Variants in SLC25A21 observed in about 807,000 individuals in gnomAD.
SLC25A21 encodes mitochondrial 2-oxodicarboxylate carrier.
In SLC25A21, 47 loss-of-function variants were observed where a neutral mutation model predicts 43.8. The observed-to-expected ratio is 1.07, with a 90% CI of 0.85 to 1.37. The LOEUF (loss-of-function observed/expected upper bound fraction) is 1.37, where lower values mean the gene tolerates loss of function less well. SLC25A21 is among the 40% of genes most tolerant of loss of function. SLC25A21 has a pLI of 0.00. For synonymous variants in SLC25A21, 131 were observed against 121.3 expected (o/e 1.08, Z -0.52); for missense variants, 352 against 350.2 (o/e 1.00, Z -0.04).
intron 1 of SLC25A21, among the ~76,000 whole-genome samples, chr14:36,979,149 T>C (rs1727129058): frequency 6.6e-6 from 1 of 152,108 alleles, no homozygotes; most frequent in African/African-American, 2.4e-5. Context: ...CATGATGCTG[T>C]TCCTTGTCAA....
chr14:37,069,080 C>T (rs758842320), intron 1 of SLC25A21, among the ~76,000 whole-genome samples: 9 of 151,754 alleles, frequency 5.9e-5, no homozygotes, highest in Non-Finnish European at 1.3e-4. Context: ...TGGAGGCTGA[C>T]GCAGGAGAAT....
intron 5 of SLC25A21, among the ~76,000 whole-genome samples, chr14:36,727,679 C>A (rs1884656565): frequency 6.7e-6 from 1 of 148,676 alleles, no homozygotes. Flanking sequence ...CAGATTGAGA[C>A]TCTGTCTCAA....
intron 2 of SLC25A21, among the ~76,000 whole-genome samples, chr14:36,871,990 G>C (rs894701344): frequency 7.2e-5 from 11 of 152,216 alleles, no homozygotes; most frequent in Admixed American, 6.5e-4. Flanking sequence ...TGAGAGTGCA[G>C]GCAATTTTGG....
chr14:36,957,996 CAT>C (rs1255153608), intron 1 of SLC25A21, among the ~76,000 whole-genome samples: 1 of 152,174 alleles, frequency 6.6e-6, no homozygotes, highest in East Asian at 1.9e-4. Context: ...ACATATATAA[CAT>C]AGGACATGGC....
At chr14:36,846,274 T>C (rs1889538629) in intron 2 of SLC25A21, among the ~76,000 whole-genome samples, 1 of 152,184 alleles carries the variant, frequency 6.6e-6, no homozygotes. Context: ...GAGAATGAGA[T>C]ATGACCAGAA....
intron 3 of SLC25A21, among the ~76,000 whole-genome samples, chr14:36,791,960 G>T (rs926901046): frequency 6.6e-6 from 1 of 151,794 alleles, no homozygotes; most frequent in African/African-American, 2.4e-5. Flanking sequence ...TTTTTTTCTA[G>T]CTTATGAAAA....
chr14:37,078,932 T>C (rs1262960874), intron 1 of SLC25A21, among the ~76,000 whole-genome samples: 1 of 152,156 alleles, frequency 6.6e-6, no homozygotes, highest in Non-Finnish European at 1.5e-5. Context: ...TTGGGATTTG[T>C]ATGACTTCAC....
intron 8 of SLC25A21, among the ~76,000 whole-genome samples, chr14:36,684,206 G>T (rs1470419317): frequency 6.6e-6 from 1 of 152,052 alleles, no homozygotes; most frequent in Non-Finnish European, 1.5e-5. Context: ...GAATTTAAAA[G>T]ACCACAAACT....
At chr14:36,832,132 G>A (rs1259620258) in intron 2 of SLC25A21, among the ~76,000 whole-genome samples, 3 of 152,168 alleles carry the variant, frequency 2.0e-5, no homozygotes, top group Non-Finnish European at 4.4e-5. Context: ...GGTTTCTCAG[G>A]ACAGTACCAG....
chr14:37,082,589 A>G (rs867176261), intron 1 of SLC25A21, among the ~76,000 whole-genome samples: 1 of 152,174 alleles, frequency 6.6e-6, no homozygotes, highest in African/African-American at 2.4e-5. Context: ...ACTAGAATAT[A>G]TAAATGTCCT....
At chr14:37,015,598 A>G (rs574086413) in intron 1 of SLC25A21, among the ~76,000 whole-genome samples, 1 of 151,160 alleles carries the variant, frequency 6.6e-6, no homozygotes, top group African/African-American at 2.4e-5. Context: ...CTAGTTCTGG[A>G]TCCCTGAGGA....
At chr14:36,965,230 A>T (rs1566776582) in intron 1 of SLC25A21, among the ~76,000 whole-genome samples, 1 of 152,186 alleles carries the variant, frequency 6.6e-6, no homozygotes, top group Non-Finnish European at 1.5e-5. Context: ...TAAGCAAACA[A>T]CATCACATTT....
At chr14:36,906,477 C>G (rs546401031) in intron 1 of SLC25A21, among the ~76,000 whole-genome samples, 31 of 151,136 alleles carry the variant, frequency 2.1e-4, no homozygotes, top group Non-Finnish European at 3.8e-4. Context: ...AGCAACAGGT[C>G]TAGATTCTGG....
At chr14:36,962,895 T>C (rs1959528081) in intron 1 of SLC25A21, among the ~76,000 whole-genome samples, 1 of 152,194 alleles carries the variant, frequency 6.6e-6, no homozygotes, top group Middle Eastern at 3.2e-3. Context: ...TTTTACTTCT[T>C]TCCTTTACTC....
At chr14:36,943,525 T>C (rs933534394) in intron 1 of SLC25A21, among the ~76,000 whole-genome samples, 12 of 152,110 alleles carry the variant, frequency 7.9e-5, no homozygotes, top group African/African-American at 2.7e-4. Flanking sequence ...CTTAGACATG[T>C]AGGGGTTTAT....
chr14:37,063,456 T>C (rs1199926667), intron 1 of SLC25A21, among the ~76,000 whole-genome samples: 3 of 150,520 alleles, frequency 2.0e-5, no homozygotes, highest in African/African-American at 7.5e-5. Context: ...GCCAGGATTT[T>C]GCCACTGCAC....
chr14:36,892,666 T>C (rs1184632035), intron 1 of SLC25A21, among the ~76,000 whole-genome samples: 1 of 152,108 alleles, frequency 6.6e-6, no homozygotes, highest in Non-Finnish European at 1.5e-5. Context: ...TCATTTAACA[T>C]TAGGTATATC....
chr14:37,143,820 T>C (rs568625014), intron 1 of SLC25A21, among the ~76,000 whole-genome samples: 1 of 152,274 alleles, frequency 6.6e-6, no homozygotes, highest in East Asian at 1.9e-4. Flanking sequence ...TTTCCTATCA[T>C]AGCTTACATT....
At chr14:36,832,936 T>C (rs1009259982) in intron 2 of SLC25A21, among the ~76,000 whole-genome samples, 1 of 152,196 alleles carries the variant, frequency 6.6e-6, no homozygotes, top group African/African-American at 2.4e-5. Context: ...TAAATTCTCA[T>C]TGTTTATCAG....
Sources: gnomAD v4.1 joint callset for allele counts (sites outside exome capture counted in the v4.1 genomes callset) on GRCh38, gnomAD v4.1.1 for gene constraint, MANE v1.5 for transcripts, NCBI Gene and HGNC (gene_info 2026-07-23, HGNC 2026-07-21) for gene names.